Variants in SHROOM3 observed in about 807,000 individuals in gnomAD.
SHROOM3 encodes the protein protein Shroom3.
A neutral mutation model predicts 138.6 loss-of-function variants in SHROOM3; 47 were observed. That is an observed-to-expected ratio of 0.34 (90% CI 0.27 to 0.43). SHROOM3 has a LOEUF of 0.43. SHROOM3 is among the 20% of genes least tolerant of loss of function. SHROOM3 has a pLI of 1.00. For missense variants in SHROOM3, 2,491 were observed against 2,596.5 expected (o/e 0.96, Z 0.88); for synonymous variants, 1,062 against 1,063.3 (o/e 1.00, Z 0.02).
At chr4:76,633,656 CAAAAA>C (rs869138315) in intron 2 of SHROOM3, among the ~76,000 whole-genome samples, 32 of 88,744 alleles carry the variant, frequency 3.6e-4, no homozygotes, top group Non-Finnish European at 6.2e-4. Context: ...GACTCCGTCT[CAAAAA>C]AAAAAAAAAA....
At chr4:76,588,732 G>T (rs1017688585) in intron 2 of SHROOM3, among the ~76,000 whole-genome samples, 6 of 152,104 alleles carry the variant, frequency 3.9e-5, no homozygotes, top group African/African-American at 1.4e-4. Flanking sequence ...GAGCAGACAA[G>T]CAAGCTGAGT....
At chr4:76,595,030 C>T (rs1734351386) in intron 2 of SHROOM3, among the ~76,000 whole-genome samples, 1 of 152,140 alleles carries the variant, frequency 6.6e-6, no homozygotes. Context: ...ATGTGAGTTC[C>T]AACCTTGGCA....
intron 1 of SHROOM3, among the ~76,000 whole-genome samples, chr4:76,461,111 C>A (rs1731134070): frequency 6.6e-6 from 1 of 152,016 alleles, no homozygotes; most frequent in Admixed American, 6.6e-5. Context: ...AAAGCCCTAT[C>A]TCTAAAAAGT....
In SHROOM3 at chr4:76,739,579, C is replaced by T. The variant is rs769359406; in HGVS notation, c.1406C>T (p.Pro469Leu). Residue 469 changes from proline (P) to leucine (L), a missense_variant, in exon 5 of 11, where the codon CCG becomes CTG. By Grantham distance (98) the Pro-to-Leu change is moderately conservative. This residue lies in a region of SHROOM3 where 1,733 missense variants were observed against 1,661.6 expected (regional missense o/e 1.04). Transcript: ENST00000296043. The stretch of plus-strand genomic sequence containing the variant: ...CCTCTGCTGCCGACCAGCATCTACC[C>T]GGTACCTTCCCTGGAGCCACACTTT... ...GQPLLPTSIY[P>L]VPSLEPHFAQ... 130 of 1,614,088 alleles carry T rather than the reference C, an allele frequency of 8.1e-5. No homozygotes were observed. Among genetic ancestry groups the T allele is most frequent in the South Asian group, 2.5e-4 (23 of 91,086 alleles).
At chr4:76,687,666 G>C (rs1406936361) in intron 2 of SHROOM3, among the ~76,000 whole-genome samples, 1 of 152,210 alleles carries the variant, frequency 6.6e-6, no homozygotes, top group Non-Finnish European at 1.5e-5. Context: ...CCTCTACATT[G>C]CAGATACAAG....
chr4:76,741,973 T>A lies in SHROOM3; in HGVS notation c.3753+47T>A. 1 of 1,595,596 alleles carries A rather than the reference T, an allele frequency of 6.3e-7. No individual in the cohort carries two copies. Among genetic ancestry groups the A allele is most frequent in the Non-Finnish European group, 8.5e-7 (1 of 1,171,898 alleles). ...TGGCCTCGAACTGTCCCTTCCTCCC[T>A]AGAAGCTTTAGTGGGGCTCCCCAAC... On this transcript the variant is annotated intron_variant, in intron 5 of 10. Transcript: ENST00000296043. This position sits in a 1 kb window ranked among gnomAD's most constrained non-coding sequence, Gnocchi z 6.2.
intron 2 of SHROOM3, among the ~76,000 whole-genome samples, chr4:76,698,209 T>C (rs559708537): frequency 6.6e-6 from 1 of 152,340 alleles, no homozygotes; most frequent in South Asian, 2.1e-4. Context: ...ATGTCTATTA[T>C]ATACCCTAAA....
chr4:76,588,216 G>C (rs1734190362), intron 2 of SHROOM3, among the ~76,000 whole-genome samples: 1 of 152,152 alleles, frequency 6.6e-6, no homozygotes, highest in Non-Finnish European at 1.5e-5. Context: ...CAGAGTACCA[G>C]GGCACTCCAA....
At chr4:76,566,108 C>CAAAA (rs1170771360) in intron 2 of SHROOM3, among the ~76,000 whole-genome samples, 2 of 59,326 alleles carry the variant, frequency 3.4e-5, no homozygotes, top group Non-Finnish European at 7.2e-5. Flanking sequence ...AACCCTGTCT[C>CAAAA]AAAAAAAAAA....
chr4:76,589,298 T>C (rs1467455959), intron 2 of SHROOM3, among the ~76,000 whole-genome samples: 1 of 152,092 alleles, frequency 6.6e-6, no homozygotes, highest in Non-Finnish European at 1.5e-5. Context: ...AGAAACCCTG[T>C]CTCTACTAAA....
At chr4:76,484,783 G>A (rs1478122208) in intron 1 of SHROOM3, among the ~76,000 whole-genome samples, 1 of 152,088 alleles carries the variant, frequency 6.6e-6, no homozygotes, top group East Asian at 1.9e-4. Context: ...TCTAAGCTTC[G>A]GAGCTGGTTG....
chr4:76,678,266 G>T lies in SHROOM3; in HGVS notation c.324-31890G>T, dbSNP rs538514460. ...TTAAGGTTTACAAGTAAAGATAAGGGTTTTTTTGTTGACATAGAGCACCAA... is the reference window on the plus strand; with the variant it reads ...TTAAGGTTTACAAGTAAAGATAAGGTTTTTTTTGTTGACATAGAGCACCAA... On this transcript the variant is annotated intron_variant, in intron 2 of 10. Coordinates refer to ENST00000296043, the MANE Select transcript of SHROOM3 (RefSeq NM_020859.4). Among the ~76,000 whole-genome samples, 1,302 of 152,184 alleles carry T rather than the reference G, an allele frequency of 8.6e-3. 10 individuals carry two copies. The highest frequency in any genetic ancestry group is 0.018 in the South Asian group (87 of 4,826).
intron 1 of SHROOM3, among the ~76,000 whole-genome samples, chr4:76,520,421 C>CTA (rs149684111): frequency 0.029 from 4,331 of 150,714 alleles, 212 homozygotes; most frequent in African/African-American, 0.097. Context: ...GTGTTCTAAG[C>CTA]TATATATATA....
intron 9 of SHROOM3, 111 bp downstream of exon 9, chr4:76,759,806 C>A: frequency 7.9e-7 from 1 of 1,269,572 alleles, no homozygotes; most frequent in South Asian, 1.3e-5. Flanking sequence ...AAGGACCTGT[C>A]ACATCACCAG....
At chr4:76,541,623 G>GCACAAACACA (rs751594734) in intron 1 of SHROOM3, among the ~76,000 whole-genome samples, 10 of 140,172 alleles carry the variant, frequency 7.1e-5, no homozygotes, top group Middle Eastern at 7.8e-3. Context: ...ACATATGTGG[G>GCACAAACACA]CGCACACACA....
chr4:76,532,162 G>GT (rs1257001114), intron 1 of SHROOM3: 4 of 148,092 alleles, frequency 2.7e-5, no homozygotes, highest in African/African-American at 1.0e-4. Flanking sequence ...GCTGTGTTTT[G>GT]TTTTTTGTCC....
At chr4:76,624,078 T>C (rs1735065839) in intron 2 of SHROOM3, among the ~76,000 whole-genome samples, 2 of 152,246 alleles carry the variant, frequency 1.3e-5, no homozygotes, top group South Asian at 2.1e-4. Flanking sequence ...TATCCGCTTA[T>C]GTTGGAGAGA....
intron 2 of SHROOM3, among the ~76,000 whole-genome samples, chr4:76,689,878 G>A (rs971769913): frequency 1.3e-5 from 2 of 152,190 alleles, no homozygotes; most frequent in African/African-American, 4.8e-5. Flanking sequence ...GTGCTCCGAG[G>A]GTCTCCTGAC....
At chr4:76,657,173 C>T (rs1455980498) in intron 2 of SHROOM3, among the ~76,000 whole-genome samples, 4 of 150,442 alleles carry the variant, frequency 2.7e-5, no homozygotes, top group Admixed American at 6.6e-5. Context: ...GCGAAACTCT[C>T]TCTCTCTCTC....
Sources: gnomAD v4.1 joint callset for allele counts (sites outside exome capture counted in the v4.1 genomes callset) on GRCh38, gnomAD v4.1.1 for gene constraint, gnomAD v4.1.1 regional missense constraint, Gnocchi (gnomAD v3.1) non-coding constraint, MANE v1.5 for transcripts, NCBI Gene and HGNC (gene_info 2026-07-23, HGNC 2026-07-21) for gene names.